GPC6: variants seen among roughly 807,000 people sequenced by gnomAD.
GPC6 encodes the protein glypican-6.
In GPC6, 14 loss-of-function variants were observed where a neutral mutation model predicts 55.2. The ratio of observed to expected loss-of-function variants is 0.25; its 90% CI spans 0.17 to 0.40. The LOEUF is 0.40. Ranked by LOEUF, GPC6 falls within the 10% of genes least tolerant of loss-of-function variation. The pLI, the probability that GPC6 is intolerant of heterozygous loss-of-function variation, is 1.00. For synonymous variants in GPC6, 278 were observed against 259.6 expected, an observed-to-expected ratio of 1.07 and a Z score of -0.68; for missense variants, 641 against 708.5, an observed-to-expected ratio of 0.90 and a Z score of 1.08.
At chr13:93,758,582 C>A (rs982991924) in intron 2 of GPC6, among the ~76,000 whole-genome samples, 1 of 151,632 alleles carries the variant, frequency 6.6e-6, no homozygotes, top group South Asian at 2.1e-4. Context: ...TATATATAAA[C>A]TTTTGTTAGT....
rs1467496431 is a variant in GPC6 at position 93,889,735 on chromosome 13, C to T, written c.711+59190C>T. Among the ~76,000 whole-genome samples the T allele has an allele frequency of 2.0e-5, 3 of 152,104 alleles. No homozygotes were observed. In the East Asian group the frequency reaches 5.8e-4, roughly 29 times the overall value. On this transcript the variant is annotated intron_variant, in intron 3 of 8. Transcript: ENST00000377047. ...CAAAGGTTTCTTTTTATTCTGGCCC[C>T]ATGGGGAAAGATTTGCCATTTGATC... is the stretch of plus-strand genomic sequence containing the variant.
intron 4 of GPC6, among the ~76,000 whole-genome samples, chr13:94,103,056 GC>G (rs1885923945): frequency 6.6e-6 from 1 of 152,014 alleles, no homozygotes; most frequent in African/African-American, 2.4e-5. Flanking sequence ...CCCACAACAG[GC>G]CCCGGTGTGT....
intron 4 of GPC6, among the ~76,000 whole-genome samples, chr13:94,079,745 C>A (rs1414192861): frequency 6.6e-6 from 1 of 152,168 alleles, no homozygotes; most frequent in African/African-American, 2.4e-5. Context: ...TAAAATCTGT[C>A]TCCATCATTG....
At chr13:93,261,969 T>G (rs1386081758) in intron 1 of GPC6, among the ~76,000 whole-genome samples, 1 of 139,072 alleles carries the variant, frequency 7.2e-6, no homozygotes. Flanking sequence ...CACACACACT[T>G]GCATATATTA....
At chr13:93,851,399 G>A (rs1418575050) in intron 3 of GPC6, among the ~76,000 whole-genome samples, 1 of 151,902 alleles carries the variant, frequency 6.6e-6, no homozygotes, top group Non-Finnish European at 1.5e-5. Flanking sequence ...TGATTGGCAT[G>A]TGTATCCTAA....
At chr13:94,127,709 T>C (rs2138861665) in intron 4 of GPC6, among the ~76,000 whole-genome samples, 1 of 152,250 alleles carries the variant, frequency 6.6e-6, no homozygotes, top group Admixed American at 6.5e-5. Context: ...GCTATTTCAA[T>C]TGTAAAAGCA....
intron 4 of GPC6, among the ~76,000 whole-genome samples, chr13:94,265,323 G>T (rs1330877415): frequency 6.6e-6 from 1 of 152,284 alleles, no homozygotes; most frequent in African/African-American, 2.4e-5. Flanking sequence ...GCCAGTTCGA[G>T]TCCCAAAGCT....
At position 93,710,697 on chromosome 13, in the gene GPC6, CCA is replaced by C. The variant is rs141584084; in HGVS notation, c.320-119456_320-119455del. ...AATTTGTCATTTAAAGTCCCCCCCC[CCA>C]AAAAAAATATGGTCTGTATGAAGAA... On this transcript the variant is annotated intron_variant, in intron 2 of 8. Transcript: ENST00000377047. Among the ~76,000 whole-genome samples, 530 of 147,924 alleles carry C rather than the reference CCA, an allele frequency of 3.6e-3. 3 individuals carry two copies. Among genetic ancestry groups the C allele is most frequent in the African/African-American group, 0.013 (500 of 38,940 alleles).
chr13:93,246,489 AAAT>A (rs1187166637), intron 1 of GPC6, among the ~76,000 whole-genome samples: 4 of 152,100 alleles, frequency 2.6e-5, no homozygotes, highest in African/African-American at 9.7e-5. Flanking sequence ...GTGTTCTAAA[AAAT>A]AATAATAATA....
At chr13:94,031,754 A>T (rs1883149237) in intron 4 of GPC6, among the ~76,000 whole-genome samples, 1 of 152,220 alleles carries the variant, frequency 6.6e-6, no homozygotes, top group Non-Finnish European at 1.5e-5. Context: ...CTTCAGTAAT[A>T]TCCTGTGGTT....
intron 2 of GPC6, among the ~76,000 whole-genome samples, chr13:93,733,194 C>G (rs974465833): frequency 6.6e-6 from 1 of 152,026 alleles, no homozygotes; most frequent in African/African-American, 2.4e-5. Context: ...TACTGTGACT[C>G]AAAACTCTCA....
intron 3 of GPC6, among the ~76,000 whole-genome samples, chr13:93,868,336 C>T (rs777245937): frequency 6.6e-6 from 1 of 151,720 alleles, no homozygotes; most frequent in African/African-American, 2.4e-5. Flanking sequence ...TAAGTGTTAA[C>T]ATTTCTGTCT....
chr13:93,816,267 C>A (rs1886844016), intron 2 of GPC6, among the ~76,000 whole-genome samples: 1 of 152,098 alleles, frequency 6.6e-6, no homozygotes, highest in Non-Finnish European at 1.5e-5. Context: ...AAAAAGCATT[C>A]ATTACAATAC....
chr13:93,682,447 G>A (rs1014325371), intron 2 of GPC6, among the ~76,000 whole-genome samples: 1 of 152,118 alleles, frequency 6.6e-6, no homozygotes, highest in African/African-American at 2.4e-5. Flanking sequence ...GGTGCTGTCA[G>A]GGGTTTGAGC....
chr13:93,713,690 T>G (rs1883149590), intron 2 of GPC6, among the ~76,000 whole-genome samples: 2 of 141,604 alleles, frequency 1.4e-5, no homozygotes, highest in African/African-American at 2.5e-5. Flanking sequence ...GTTCTATATT[T>G]AGTGATGTTA....
chr13:94,118,933 TCAGCATCA>T (rs1248197595), intron 4 of GPC6, among the ~76,000 whole-genome samples: 17 of 152,028 alleles, frequency 1.1e-4, no homozygotes, highest in African/African-American at 3.4e-4. Flanking sequence ...GAAGTGTCCA[TCAGCATCA>T]CAGCCATAAC....
chr13:93,723,397 G>A (rs1317657138), intron 2 of GPC6, among the ~76,000 whole-genome samples: 1 of 151,866 alleles, frequency 6.6e-6, no homozygotes, highest in Non-Finnish European at 1.5e-5. Flanking sequence ...TTACTTTAAG[G>A]ATGGTCTTAC....
rs114045068 is a variant in GPC6 at position 94,101,793 on chromosome 13, A to G, written c.877+73899A>G. Among the ~76,000 whole-genome samples the G allele has an allele frequency of 5.5e-3, 833 of 152,208 alleles. 10 individuals are homozygous for G. Among genetic ancestry groups the G allele is most frequent in the African/African-American group, 0.019 (795 of 41,562 alleles). ...GCATCTTATTTGGGAACCAAAAAAAAAAACCAAGCAAATATTGGTTTTCAT... is the reference window on the plus strand; with the variant it reads ...GCATCTTATTTGGGAACCAAAAAAAGAAACCAAGCAAATATTGGTTTTCAT... On this transcript the variant is annotated intron_variant, in intron 4 of 8. Transcript: ENST00000377047.
At chr13:93,219,260 A>C in the GPC6 span, among the ~76,000 whole-genome samples, 1 of 151,822 alleles carries the variant, frequency 6.6e-6, no homozygotes, top group Non-Finnish European at 1.5e-5. Flanking sequence ...CGCCCAGCTA[A>C]TTTTTGTATT....
Sources: allele counts gnomAD v4.1 joint callset (sites outside exome capture counted in the v4.1 genomes callset), GRCh38; gene constraint gnomAD v4.1.1; transcripts MANE v1.5; gene names NCBI Gene and HGNC (gene_info 2026-07-23, HGNC 2026-07-21).